GOLGA8B: variants seen among roughly 807,000 people sequenced by gnomAD.
GOLGA8B encodes the protein golgin subfamily A member 8B.
GOLGA8B carries 1 observed loss-of-function variant against 15.6 expected under a neutral mutation model. The observed-to-expected ratio is 0.06, with a 90% CI of 0.02 to 0.30. The LOEUF (loss-of-function observed/expected upper bound fraction) is 0.30. Among genes scored for constraint, GOLGA8B ranks in the 10% least tolerant of loss-of-function variants. GOLGA8B has a pLI of 1.00. For missense variants in GOLGA8B, 17 were observed against 201.3 expected (o/e 0.08, Z 5.54); for synonymous variants, 9 against 80.3 (o/e 0.11, Z 4.75).
At chr15:34,564,340 G>T (rs2140345686) in intron 1 of GOLGA8B, among the ~76,000 whole-genome samples, 3 of 111,796 alleles carry the variant, frequency 2.7e-5, no homozygotes, top group Non-Finnish European at 3.6e-5. Flanking sequence ...GTTAGTTGTA[G>T]TAACTGTAGA....
chr15:34,526,025 T>C lies in GOLGA8B; in HGVS notation c.*1607A>G, dbSNP rs945765508. On this transcript the variant is annotated 3_prime_UTR_variant, in exon 24 of 24. Transcript: ENST00000683415. ...TGATTCTTTCCCAAGCATCATCAAGTTATGATTTAGGCAATGTATGATTGA... is the reference window on the plus strand; with the variant it reads ...TGATTCTTTCCCAAGCATCATCAAGCTATGATTTAGGCAATGTATGATTGA... 1.3e-5 allele frequency: 2 copies of C among 149,538 alleles called. No individual in the cohort carries two copies. Among genetic ancestry groups the C allele is most frequent in the African/African-American group, 5.0e-5 (2 of 40,350 alleles). 9.3% of individuals were successfully genotyped at this position (149,538 alleles called of 1,614,324 possible).
At chr15:34,572,489 T>C (rs1213811900) in intron 1 of GOLGA8B, among the ~76,000 whole-genome samples, 2 of 152,242 alleles carry the variant, frequency 1.3e-5, no homozygotes, top group African/African-American at 4.8e-5. Flanking sequence ...GGAGCATCTC[T>C]AAGACACACA....
At chr15:34,578,456 G>C (rs1409593923) in intron 1 of GOLGA8B, among the ~76,000 whole-genome samples, 4 of 152,116 alleles carry the variant, frequency 2.6e-5, no homozygotes, top group Non-Finnish European at 1.5e-5. Context: ...AAACAAATCT[G>C]ATACAAAATG....
At chr15:34,572,340 C>G (rs1392061424) in intron 1 of GOLGA8B, among the ~76,000 whole-genome samples, 1 of 152,186 alleles carries the variant, frequency 6.6e-6, no homozygotes, top group Non-Finnish European at 1.5e-5. Flanking sequence ...CAACCCCACG[C>G]AGATGCAAGG....
rs993354106 is a variant in GOLGA8B at position 34,525,110 on chromosome 15, CCTT to C, written c.*2519_*2521del. On this transcript the variant is annotated 3_prime_UTR_variant, in exon 24 of 24. Coordinates refer to ENST00000683415, the MANE Select transcript of GOLGA8B (RefSeq NM_001023567.5). ...ACCCCATAACTTTTTTAATCCCATA[CCTT>C]TTTTATTTTGTGTTCTTTTAATAAA... is the stretch of plus-strand genomic sequence containing the variant. 8.0e-5 allele frequency: 12 copies of C among 149,668 alleles called. 1 individual carries two copies. Among genetic ancestry groups the C allele is most frequent in the African/African-American group, 2.5e-4 (10 of 40,438 alleles). 9.3% of individuals were successfully genotyped at this position (149,668 alleles called of 1,614,324 possible).
At chr15:34,571,505 C>A (rs59973500) in intron 1 of GOLGA8B, among the ~76,000 whole-genome samples, 1 of 149,024 alleles carries the variant, frequency 6.7e-6, no homozygotes, top group African/African-American at 2.5e-5. Flanking sequence ...GAATGGAGAA[C>A]CCAGAAACAC....
intron 1 of GOLGA8B, among the ~76,000 whole-genome samples, chr15:34,580,213 T>G (rs533044335): frequency 6.6e-6 from 1 of 151,802 alleles, no homozygotes; most frequent in Non-Finnish European, 1.5e-5. Context: ...GGGGATGGGG[T>G]GGGGACAACC....
chr15:34,566,624 C>T (rs1244461413), intron 1 of GOLGA8B, among the ~76,000 whole-genome samples: 2 of 145,672 alleles, frequency 1.4e-5, no homozygotes, highest in Admixed American at 1.4e-4. Flanking sequence ...GTAAGGAGCA[C>T]GCAGAACCTC....
rs1245518363 is a variant in GOLGA8B, at chr15:34,572,953, A to T, written c.-1123+10563T>A. 2.0e-5 allele frequency among the ~76,000 whole-genome samples: 3 copies of T among 152,324 alleles called. No homozygotes were observed. In the East Asian group the frequency reaches 5.8e-4, roughly 29 times the overall value. On this transcript the variant is annotated intron_variant, in intron 1 of 23. Transcript: ENST00000683415. Reference sequence around the variant, plus strand: ...TAATTGCGAGAAGGCAAAATTTTTTAAAACAGAGACATCAAGCCAGGTACA... The same window carrying T: ...TAATTGCGAGAAGGCAAAATTTTTTTAAACAGAGACATCAAGCCAGGTACA...
At chr15:34,559,599 ATT>A (rs1169852246) in intron 1 of GOLGA8B, among the ~76,000 whole-genome samples, 19 of 88,576 alleles carry the variant, frequency 2.1e-4, no homozygotes, top group East Asian at 9.2e-4. Context: ...AGAGAGAGAG[ATT>A]GATTGATCAG....
At position 34,527,046 on chromosome 15, in the gene GOLGA8B, A is replaced by G. The variant is rs922352083; in HGVS notation, c.*586T>C. The G allele has an allele frequency of 5.7e-6, 1 of 174,770 alleles. No individual in the cohort carries two copies. Among genetic ancestry groups the G allele is most frequent in the Non-Finnish European group, 1.2e-5 (1 of 83,938 alleles). 10.8% of individuals were successfully genotyped at this position (174,770 alleles called of 1,614,324 possible). On this transcript the variant is annotated 3_prime_UTR_variant, in exon 24 of 24. Transcript: ENST00000683415. ...AGGTTATCACTCCCATCACCAATAC[A>G]CAGAAAATGGAGGAAAGGCTGTTTC...
intron 1 of GOLGA8B, among the ~76,000 whole-genome samples, chr15:34,564,867 T>C (rs2140346183): frequency 1.4e-5 from 2 of 144,138 alleles, no homozygotes; most frequent in Middle Eastern, 7.0e-3. Flanking sequence ...CTCCACCCTG[T>C]AGGTGACAGG....
chr15:34,573,173 C>G (rs1217831434), intron 1 of GOLGA8B, among the ~76,000 whole-genome samples: 5 of 152,182 alleles, frequency 3.3e-5, no homozygotes, highest in Non-Finnish European at 7.3e-5. Context: ...TTGACCTACC[C>G]AAGCAGCCTC....
chr15:34,577,967 AG>A lies in GOLGA8B; in HGVS notation c.-1123+5548del, dbSNP rs549376231. ...CTTTACGACAATGTCACTAGGCAAT[AG>A]GAATTTTTGAGCCCCATGATATTCT... On this transcript the variant is annotated intron_variant, in intron 1 of 23. Transcript: ENST00000683415. Among the ~76,000 whole-genome samples, 530 of 152,334 alleles carry A rather than the reference AG, an allele frequency of 3.5e-3. 1 individual carries two copies. The highest frequency in any genetic ancestry group is 5.9e-3 in the Non-Finnish European group (402 of 68,020).
At chr15:34,567,523 C>G (rs1595708151) in intron 1 of GOLGA8B, among the ~76,000 whole-genome samples, 1 of 151,702 alleles carries the variant, frequency 6.6e-6, no homozygotes, top group East Asian at 1.9e-4. Context: ...TGAGAAGAGT[C>G]ACATGAAGGT....
In GOLGA8B at chr15:34,526,432, G is replaced by A. The variant is rs997684288; in HGVS notation, c.*1200C>T. 8.7e-5 allele frequency: 13 copies of A among 148,762 alleles called. 2 individuals are homozygous for A. The highest frequency in any genetic ancestry group is 2.7e-4 in the African/African-American group (11 of 40,284). The allele number at this position is 148,762 out of a possible 1,614,324, so 9.2% of individuals were successfully genotyped here. ...AGTAAATTCCTATGTCAGAGTAACCGAGGTGGTTGAAGAATAGGTATTAGC... is the reference window on the plus strand; with the variant it reads ...AGTAAATTCCTATGTCAGAGTAACCAAGGTGGTTGAAGAATAGGTATTAGC... On this transcript the variant is annotated 3_prime_UTR_variant, in exon 24 of 24. Transcript: ENST00000683415.
chr15:34,570,243 C>T (rs1334352133), intron 1 of GOLGA8B, among the ~76,000 whole-genome samples: 588 of 141,872 alleles, frequency 4.1e-3, no homozygotes, highest in South Asian at 0.019. Flanking sequence ...TGAGGAGACC[C>T]TCTGAGCCCC....
chr15:34,579,611 C>T (rs150738118), intron 1 of GOLGA8B, among the ~76,000 whole-genome samples: 282 of 152,344 alleles, frequency 1.9e-3, no homozygotes, highest in Non-Finnish European at 3.1e-3. Flanking sequence ...GTGAAACTGA[C>T]GTTGCACAGT....
intron 1 of GOLGA8B, among the ~76,000 whole-genome samples, chr15:34,571,790 A>C (rs1283710724): frequency 6.6e-6 from 1 of 152,180 alleles, no homozygotes; most frequent in Admixed American, 6.5e-5. Context: ...TACAAAATTC[A>C]GGAGTAATTA....
Sources: allele counts gnomAD v4.1 joint callset (sites outside exome capture counted in the v4.1 genomes callset), GRCh38; gene constraint gnomAD v4.1.1; transcripts MANE v1.5; gene names NCBI Gene and HGNC (gene_info 2026-07-23, HGNC 2026-07-21).